The following CALN1 variants were observed in gnomAD, a reference collection of about 807,000 sequenced individuals.
CALN1 encodes the protein calneuron 1.
A neutral mutation model predicts 30.6 loss-of-function variants in CALN1; 17 were observed. That is an observed-to-expected ratio of 0.56 (90% CI 0.38 to 0.83). The LOEUF is 0.83. Ranked by LOEUF, CALN1 falls within the 40% of genes least tolerant of loss-of-function variation. CALN1 has a pLI of 0.00. For synonymous variants in CALN1, 156 were observed against 131.4 expected, an observed-to-expected ratio of 1.19 and a Z score of -1.28; for missense variants, 291 against 354.9, an observed-to-expected ratio of 0.82 and a Z score of 1.45.
At chr7:72,209,679 T>C (rs1238591648) in intron 3 of CALN1, among the ~76,000 whole-genome samples, 2 of 152,100 alleles carry the variant, frequency 1.3e-5, no homozygotes, top group African/African-American at 2.4e-5. Context: ...CAAAAAACCC[T>C]CTCTACACTT....
Position 72,083,484 on chromosome 7 carries a change from C to G in CALN1, c.388+22667G>C, listed in dbSNP as rs142121813. ...CTGTAATCCTAGTGCTTTGTAAGGC[C>G]GAGACAGGAGGATCACTTGAGCCCA... On this transcript the variant is annotated intron_variant, in intron 4 of 6. Coordinates refer to ENST00000395275, the MANE Select transcript of CALN1 (RefSeq NM_031468.4). Among the ~76,000 whole-genome samples the G allele has an allele frequency of 1.7e-3, 262 of 151,782 alleles. 5 individuals are homozygous for G. In the East Asian group the frequency reaches 0.035, roughly 20 times the overall value.
intron 2 of CALN1, among the ~76,000 whole-genome samples, chr7:72,401,584 GC>G (rs1806347065): frequency 6.6e-6 from 1 of 152,158 alleles, no homozygotes; most frequent in African/African-American, 2.4e-5. Flanking sequence ...CAAAGGAGAA[GC>G]ACATGCCTTG....
At chr7:72,163,030 A>C (rs1166682724) in intron 3 of CALN1, among the ~76,000 whole-genome samples, 1 of 152,218 alleles carries the variant, frequency 6.6e-6, no homozygotes, top group African/African-American at 2.4e-5. Flanking sequence ...CAGAATGCTG[A>C]AAGTGCTGAG....
intron 5 of CALN1, among the ~76,000 whole-genome samples, chr7:72,000,147 C>T (rs1001316301): frequency 1.3e-5 from 2 of 151,698 alleles, no homozygotes; most frequent in African/African-American, 4.8e-5. Context: ...CAAAAAGCTA[C>T]AAAGCAGGTG....
intron 5 of CALN1, among the ~76,000 whole-genome samples, chr7:71,899,268 C>A (rs1436737923): frequency 6.6e-6 from 1 of 151,972 alleles, no homozygotes; most frequent in Non-Finnish European, 1.5e-5. Context: ...CGCAGCCTCC[C>A]CAGCAGCTGG....
intron 5 of CALN1, among the ~76,000 whole-genome samples, chr7:72,009,777 T>A (rs1799966612): frequency 6.6e-6 from 1 of 151,970 alleles, no homozygotes; most frequent in Admixed American, 6.6e-5. Flanking sequence ...TCATTCTCTC[T>A]TGTCTGCCAC....
At chr7:72,390,072 G>A (rs1372552762) in intron 2 of CALN1, among the ~76,000 whole-genome samples, 1 of 152,090 alleles carries the variant, frequency 6.6e-6, no homozygotes, top group Non-Finnish European at 1.5e-5. Flanking sequence ...GACCAGGTTG[G>A]CTAAGGAGGG....
At chr7:72,120,768 G>T (rs955653932) in intron 3 of CALN1, among the ~76,000 whole-genome samples, 1 of 152,076 alleles carries the variant, frequency 6.6e-6, no homozygotes, top group African/African-American at 2.4e-5. Flanking sequence ...GGATTACAAG[G>T]CTACGCTTCA....
chr7:72,193,455 A>C (rs1790768952), intron 3 of CALN1, among the ~76,000 whole-genome samples: 1 of 152,220 alleles, frequency 6.6e-6, no homozygotes, highest in Non-Finnish European at 1.5e-5. Context: ...ATGCCATTGT[A>C]GGAAGACACA....
intron 2 of CALN1, among the ~76,000 whole-genome samples, chr7:72,380,708 G>T (rs1804841384): frequency 6.9e-6 from 1 of 145,920 alleles, no homozygotes; most frequent in Admixed American, 7.0e-5. Flanking sequence ...CATTAGATTA[G>T]ATAGATAGAT....
intron 2 of CALN1, among the ~76,000 whole-genome samples, chr7:72,342,880 C>T (rs1914379): frequency 0.99 from 150,732 of 152,340 alleles, 74,588 homozygotes; most frequent in Middle Eastern, 1. Flanking sequence ...TCAAAAAATA[C>T]ATGTTGGAAG....
intron 3 of CALN1, among the ~76,000 whole-genome samples, chr7:72,121,900 T>G (rs1306205493): frequency 1.4e-5 from 2 of 147,426 alleles, no homozygotes; most frequent in East Asian, 3.9e-4. Context: ...TAATATATAT[T>G]TTATATATAA....
chr7:71,864,561 T>C (rs12537319), intron 5 of CALN1, among the ~76,000 whole-genome samples: 16,668 of 152,182 alleles, frequency 0.11, 1,339 homozygotes, highest in East Asian at 0.43. Context: ...GGCATCCCAA[T>C]GTAGCTAACA....
At chr7:72,463,395 G>A in the CALN1 span, among the ~76,000 whole-genome samples, 10 of 152,130 alleles carry the variant, frequency 6.6e-5, no homozygotes, top group South Asian at 2.1e-4. Flanking sequence ...TGCCCGCCTC[G>A]GCCTCCCAAA....
At chr7:72,363,062 T>C (rs1357732160) in intron 2 of CALN1, among the ~76,000 whole-genome samples, 1 of 152,158 alleles carries the variant, frequency 6.6e-6, no homozygotes, top group African/African-American at 2.4e-5. Flanking sequence ...AGGGGGTACA[T>C]GTGAAGATTT....
intron 2 of CALN1, among the ~76,000 whole-genome samples, chr7:72,282,336 G>A (rs1479509888): frequency 6.6e-6 from 1 of 152,220 alleles, no homozygotes; most frequent in African/African-American, 2.4e-5. Context: ...TTAAGCGACT[G>A]TCATGAAAAC....
At chr7:71,955,980 T>C (rs973113765) in intron 5 of CALN1, among the ~76,000 whole-genome samples, 2 of 120,494 alleles carry the variant, frequency 1.7e-5, no homozygotes, top group African/African-American at 6.5e-5. Flanking sequence ...CTGGGCCATG[T>C]ATGTTCTGGA....
At chr7:72,198,914 T>C (rs1436606442) in intron 3 of CALN1, among the ~76,000 whole-genome samples, 1 of 152,188 alleles carries the variant, frequency 6.6e-6, no homozygotes, top group Admixed American at 6.5e-5. Context: ...CTTACCTCTG[T>C]GCTCTCAAAG....
chr7:71,857,113 G>C (rs1337946190), intron 5 of CALN1, among the ~76,000 whole-genome samples: 1 of 150,866 alleles, frequency 6.6e-6, no homozygotes, highest in Non-Finnish European at 1.5e-5. Flanking sequence ...TATTCAAATG[G>C]ACCATGCTTC....
Sources: gnomAD v4.1 joint callset for allele counts (sites outside exome capture counted in the v4.1 genomes callset) on GRCh38, gnomAD v4.1.1 for gene constraint, MANE v1.5 for transcripts, NCBI Gene and HGNC (gene_info 2026-07-23, HGNC 2026-07-21) for gene names.